WDFY1: variants seen among roughly 807,000 people sequenced by gnomAD.
The protein encoded by WDFY1 is WD repeat and FYVE domain-containing protein 1.
In WDFY1, 32 loss-of-function variants were observed where a neutral mutation model predicts 56.4. That is an observed-to-expected ratio of 0.57 (90% CI 0.43 to 0.76). The LOEUF (loss-of-function observed/expected upper bound fraction) is 0.76. Among genes scored for constraint, WDFY1 ranks in the 30% least tolerant of loss-of-function variants. The pLI, the probability that WDFY1 is intolerant of heterozygous loss-of-function variation, is 0.00. For synonymous variants in WDFY1, 192 were observed against 197.3 expected (o/e 0.97, Z 0.23); for missense variants, 480 against 545.7 (o/e 0.88, Z 1.20).
rs1468014768 is a variant in WDFY1, at chr2:223,878,708, A to G, written c.1196T>C (p.Val399Ala). ...IVKIWDMTPV[V>A]GCSLATGFSP... is the part of the protein sequence containing the mutation. The stretch of plus-strand genomic sequence containing the variant: ...AAACCCAGTCGCCAGACTGCAGCCC[A>G]CCACAGGTGTCATGTCCCAGATCTA... Residue 399 changes from valine (V) to alanine (A), a missense_variant, in exon 12 of 12, where the codon GTG becomes GCG. By Grantham distance (64) the Val-to-Ala change is moderately conservative. Transcript: ENST00000233055. The G allele has an allele frequency of 6.2e-7, 1 of 1,614,048 alleles. No homozygotes were observed. The highest frequency in any genetic ancestry group is 8.5e-7 in the Non-Finnish European group (1 of 1,179,964).
At chr2:223,911,806 T>C (rs144298220) in intron 3 of WDFY1, among the ~76,000 whole-genome samples, 4 of 131,718 alleles carry the variant, frequency 3.0e-5, no homozygotes, top group East Asian at 4.3e-4. Flanking sequence ...CTAATATCTA[T>C]ACTGAATTAA....
intron 1 of WDFY1, among the ~76,000 whole-genome samples, chr2:223,944,139 T>C (rs1469824816): frequency 6.6e-6 from 1 of 152,206 alleles, no homozygotes; most frequent in Non-Finnish European, 1.5e-5. Context: ...CTAGCAGCCG[T>C]GGCAAAAATA....
chr2:223,940,543 T>C (rs1559177814), intron 1 of WDFY1, among the ~76,000 whole-genome samples: 2 of 152,230 alleles, frequency 1.3e-5, no homozygotes. Flanking sequence ...TTAGCTATTG[T>C]TATTTCTAAA....
At chr2:223,903,582 G>C (rs376573581) in intron 4 of WDFY1, among the ~76,000 whole-genome samples, 1 of 146,458 alleles carries the variant, frequency 6.8e-6, no homozygotes, top group South Asian at 2.1e-4. Context: ...AATAACATGA[G>C]ATGTGAATAT....
chr2:223,881,352 G>A (rs1432906515), intron 10 of WDFY1, among the ~76,000 whole-genome samples: 1 of 152,146 alleles, frequency 6.6e-6, no homozygotes, highest in Non-Finnish European at 1.5e-5. Flanking sequence ...GGGATGCAGA[G>A]GCTCAGGGTA....
chr2:223,919,273 C>T (rs1693850012), intron 1 of WDFY1, among the ~76,000 whole-genome samples: 1 of 152,226 alleles, frequency 6.6e-6, no homozygotes, highest in Admixed American at 6.5e-5. Context: ...CGCAGTGGCA[C>T]GATCTCGGCT....
chr2:223,906,788 G>A (rs1693603417), intron 3 of WDFY1, among the ~76,000 whole-genome samples: 1 of 151,840 alleles, frequency 6.6e-6, no homozygotes, highest in African/African-American at 2.4e-5. Flanking sequence ...CCAAAGTGCT[G>A]GGATTACAGG....
At chr2:223,897,367 TA>T (rs1559165884) in intron 6 of WDFY1, among the ~76,000 whole-genome samples, 413 of 31,568 alleles carry the variant, frequency 0.013, 10 homozygotes, top group Admixed American at 0.02. Flanking sequence ...TATATATATA[TA>T]TATATATATA....
At chr2:223,881,527 C>T (rs747589578) in intron 10 of WDFY1, among the ~76,000 whole-genome samples, 2 of 152,156 alleles carry the variant, frequency 1.3e-5, no homozygotes, top group African/African-American at 2.4e-5. Context: ...CGGTGGCTCG[C>T]GCCTGTAATC....
chr2:223,930,757 A>ATGTGACCTCT (rs1320061171), intron 1 of WDFY1, among the ~76,000 whole-genome samples: 1 of 152,254 alleles, frequency 6.6e-6, no homozygotes, highest in African/African-American at 2.4e-5. Flanking sequence ...CATGAACCAC[A>ATGTGACCTCT]GGGGCCAGCC....
chr2:223,922,687 G>T (rs1460293007), intron 1 of WDFY1, among the ~76,000 whole-genome samples: 1 of 152,172 alleles, frequency 6.6e-6, no homozygotes, highest in Non-Finnish European at 1.5e-5. Context: ...TGGCTCAAAG[G>T]ATCTAGTGGC....
chr2:223,927,983 A>G (rs930196838), intron 1 of WDFY1, among the ~76,000 whole-genome samples: 27 of 152,156 alleles, frequency 1.8e-4, no homozygotes, highest in Non-Finnish European at 3.1e-4. Flanking sequence ...ACAGACAGAC[A>G]TAGGGTAACA....
At chr2:223,927,670 A>C (rs1694007358) in intron 1 of WDFY1, among the ~76,000 whole-genome samples, 1 of 152,232 alleles carries the variant, frequency 6.6e-6, no homozygotes, top group Admixed American at 6.5e-5. Context: ...TCACTAGATT[A>C]GCACTTTTAA....
Position 223,878,759 on chromosome 2 carries a change from G to T in WDFY1, c.1174-29C>A, listed in dbSNP as rs367566474. On this transcript the variant is annotated intron_variant, in intron 11 of 11. Coordinates refer to ENST00000233055, the MANE Select transcript of WDFY1 (RefSeq NM_020830.5). ...CAAGGAAGGAAGAAACGCAGAAAAG[G>T]CAGCAGTGATAACCAGGTCTAACGG... is the stretch of plus-strand genomic sequence containing the variant. 9 of 1,613,114 alleles carry T rather than the reference G, an allele frequency of 5.6e-6. No individual in the cohort carries two copies. The African/African-American group carries it at 1.1e-4, about 19-fold the overall frequency.
chr2:223,879,136 G>A (rs1405274495), intron 11 of WDFY1, among the ~76,000 whole-genome samples: 2 of 152,192 alleles, frequency 1.3e-5, no homozygotes, highest in South Asian at 2.1e-4. Context: ...GCACTGAACC[G>A]AGGTCACACC....
Position 223,899,017 on chromosome 2 carries a change from G to A in WDFY1, c.539C>T (p.Thr180Ile). 1 of 1,614,130 alleles carries A rather than the reference G, an allele frequency of 6.2e-7. No individual in the cohort carries two copies. The highest frequency in any genetic ancestry group is 2.2e-5 in the East Asian group (1 of 44,866). The change falls in exon 6 of 12, where the codon ACC becomes ATC. Residue 180 changes from threonine to isoleucine, a missense_variant. Transcript: ENST00000233055. Reference sequence around the variant, plus strand: ...CGTGTTCTGTTCAAGCTTCAGCAGGGTGATCTGCCCAGAATAATCACCAAC... The same window carrying A: ...CGTGTTCTGTTCAAGCTTCAGCAGGATGATCTGCCCAGAATAATCACCAAC... ...AFVGDYSGQI[T>I]LLKLEQNTCS...
chr2:223,931,436 G>T (rs1331970272), intron 1 of WDFY1, among the ~76,000 whole-genome samples: 1 of 152,168 alleles, frequency 6.6e-6, no homozygotes, highest in African/African-American at 2.4e-5. Flanking sequence ...TTGATCTGCT[G>T]AAAGATATGC....
rs561927026 is a variant in WDFY1, at chr2:223,881,323, T to C, written c.1064+619A>G. 2.0e-5 allele frequency among the ~76,000 whole-genome samples: 3 copies of C among 152,202 alleles called. No homozygotes were observed. In the South Asian group the frequency reaches 6.2e-4, roughly 32 times the overall value. The stretch of plus-strand genomic sequence containing the variant: ...TGCCATCCACAGGTGCATGGACTTA[T>C]CCCTGCATAGCAGCCAGTGGGATGC... On this transcript the variant is annotated intron_variant, in intron 10 of 11. Coordinates refer to ENST00000233055, the MANE Select transcript of WDFY1 (RefSeq NM_020830.5).
Position 223,897,379 on chromosome 2 carries a change from TATATATA to T in WDFY1, c.598+1572_598+1578del, listed in dbSNP as rs1372897574. ...ATATATATATATATATATATATATA[TATATATA>T]TATATTTTTTAAGACGGAGTCTCTC... On this transcript the variant is annotated intron_variant, in intron 6 of 11. Transcript: ENST00000233055. Among the ~76,000 whole-genome samples the T allele has an allele frequency of 4.1e-3, 172 of 42,424 alleles. 12 individuals are homozygous for T. In the Middle Eastern group the frequency reaches 0.076, roughly 19 times the overall value. The allele number at this position is 42,424 out of a possible 152,430, so 27.8% of individuals were successfully genotyped here.
Sources: gnomAD v4.1 joint callset for allele counts (sites outside exome capture counted in the v4.1 genomes callset) on GRCh38, gnomAD v4.1.1 for gene constraint, MANE v1.5 for transcripts, NCBI Gene and HGNC (gene_info 2026-07-23, HGNC 2026-07-21) for gene names.